CASQ2: variants seen among roughly 807,000 people sequenced by gnomAD.
CASQ2 encodes calsequestrin-2.
A neutral mutation model predicts 46.5 loss-of-function variants in CASQ2; 49 were observed. The ratio of observed to expected loss-of-function variants is 1.05; its 90% CI spans 0.84 to 1.34. The LOEUF (loss-of-function observed/expected upper bound fraction) is 1.34. CASQ2 is among the 40% of genes most tolerant of loss of function. The pLI, the probability that CASQ2 is intolerant of heterozygous loss-of-function variation, is 0.00. For missense variants in CASQ2, 486 were observed against 481.3 expected (o/e 1.01, Z -0.09); for synonymous variants, 174 against 168.5 (o/e 1.03, Z -0.25).
At chr1:115,734,680 A>G (rs1181434922) in intron 4 of CASQ2, among the ~76,000 whole-genome samples, 8 of 152,180 alleles carry the variant, frequency 5.3e-5, no homozygotes, top group Non-Finnish European at 1.0e-4. Context: ...GGCTTCTGGA[A>G]TAGGCTCCTG....
intron 8 of CASQ2, among the ~76,000 whole-genome samples, chr1:115,714,726 G>A (rs1212614150): frequency 6.6e-6 from 1 of 152,182 alleles, no homozygotes; most frequent in African/African-American, 2.4e-5. Context: ...TCAGAGTCAG[G>A]GACTTTCACA....
At position 115,714,076 on chromosome 1, in the gene CASQ2, C is replaced by T. The variant is rs970005647; in HGVS notation, c.838+3764G>A. On this transcript the variant is annotated intron_variant, in intron 8 of 10. Coordinates refer to ENST00000261448, the MANE Select transcript of CASQ2 (RefSeq NM_001232.4). ...GCTAACCTGACGACTTCATATAACT[C>T]TATGGCAGGGCCTTGTGGTTAAGGG... 3.3e-5 allele frequency among the ~76,000 whole-genome samples: 5 copies of T among 152,214 alleles called. No individual in the cohort carries two copies. In the East Asian group the frequency reaches 9.6e-4, roughly 29 times the overall value.
chr1:115,756,861 C>T (rs930089988), intron 1 of CASQ2, among the ~76,000 whole-genome samples: 2 of 152,124 alleles, frequency 1.3e-5, no homozygotes, highest in South Asian at 2.1e-4. Context: ...GCAGAAGAAT[C>T]GCTTGAACCC....
chr1:115,718,497 T>A (rs952034319), intron 7 of CASQ2, among the ~76,000 whole-genome samples: 6 of 152,170 alleles, frequency 3.9e-5, no homozygotes, highest in African/African-American at 1.4e-4. Context: ...GGGTTGTGCT[T>A]CCCTGTTAGG....
chr1:115,752,688 G>T (rs76767117), intron 1 of CASQ2, among the ~76,000 whole-genome samples: 1 of 152,238 alleles, frequency 6.6e-6, no homozygotes, highest in Admixed American at 6.5e-5. Context: ...AATCACATTA[G>T]AAAAAAAGTG....
At chr1:115,706,371 T>C (rs1050949805) in intron 8 of CASQ2, among the ~76,000 whole-genome samples, 1 of 152,140 alleles carries the variant, frequency 6.6e-6, no homozygotes, top group Non-Finnish European at 1.5e-5. Context: ...CCCCCTAGTA[T>C]AGGAGCACTA....
chr1:115,721,589 C>T (rs920910373), intron 7 of CASQ2, among the ~76,000 whole-genome samples: 35 of 151,928 alleles, frequency 2.3e-4, no homozygotes, highest in African/African-American at 5.8e-4. Context: ...CTTTTTCTTT[C>T]GAAACAGGGT....
rs369552015 is a variant in CASQ2, at chr1:115,717,858, C to T, written c.820G>A (p.Ala274Thr). The T allele has an allele frequency of 6.2e-7, 1 of 1,611,572 alleles. No individual in the cohort carries two copies. The highest frequency in any genetic ancestry group is 1.3e-5 in the African/African-American group (1 of 74,860). ...DLNGIHIVAF[A>T]EKSDPDGYEF... ...TTCCTACCTGGATCACTCTTCTCTG[C>T]AAAGGCCACAATGTGGATCCCATTC... is the stretch of plus-strand genomic sequence containing the variant. The change falls in exon 8 of 11, where the codon GCA (alanine) becomes ACA (threonine). Residue 274 changes from alanine to threonine, a missense_variant. By Grantham distance (58) the Ala-to-Thr change is moderately conservative (BLOSUM62 0). Coordinates refer to ENST00000261448, the MANE Select transcript of CASQ2 (RefSeq NM_001232.4).
At chr1:115,737,348 G>T (rs1453726170) in intron 4 of CASQ2, among the ~76,000 whole-genome samples, 1 of 152,120 alleles carries the variant, frequency 6.6e-6, no homozygotes, top group Admixed American at 6.5e-5. Flanking sequence ...TGGGAAGACT[G>T]GTTAAAGAAA....
Position 115,738,321 on chromosome 1 carries a change from T to C in CASQ2, c.435A>G (p.Pro145=), listed in dbSNP as rs1570831633. The C allele has an allele frequency of 1.9e-6, 3 of 1,608,884 alleles. No individual in the cohort carries two copies. Among genetic ancestry groups the C allele is most frequent in the Non-Finnish European group, 2.6e-6 (3 of 1,175,150 alleles). Residue 145 remains proline (P), a synonymous_variant, in exon 4 of 11, where the codon CCA becomes CCG. Transcript: ENST00000261448. The part of the protein sequence containing the change: ...VEFLLDLIED[P]VEIISSKLEV... ...CCAGTTTGCTGCTGATGATCTCCAC[T>C]GGGTCTTCAATTAGCTGAAATGCCA...
intron 8 of CASQ2, among the ~76,000 whole-genome samples, chr1:115,714,421 G>A (rs988511925): frequency 2.0e-5 from 3 of 152,152 alleles, no homozygotes; most frequent in Admixed American, 6.5e-5. Context: ...ACGTATTACA[G>A]AGTGGCTTTA....
chr1:115,736,683 AT>A (rs373635089), intron 4 of CASQ2, among the ~76,000 whole-genome samples: 3 of 152,070 alleles, frequency 2.0e-5, no homozygotes, highest in African/African-American at 4.8e-5. Context: ...CTCATTCAAA[AT>A]TTTTTTTAAA....
chr1:115,712,331 T>C (rs1654573944), intron 8 of CASQ2, among the ~76,000 whole-genome samples: 1 of 152,140 alleles, frequency 6.6e-6, no homozygotes, highest in African/African-American at 2.4e-5. Context: ...TCTCTGCCTG[T>C]CTTCTCCTGG....
Position 115,768,573 on chromosome 1 carries a change from A to G in CASQ2, c.-32T>C. ...AAACTTTTGTTTCTCGTTCCCAAATATGCTGTGTGCAGAATAGAGGACAGA... is the reference window on the plus strand; with the variant it reads ...AAACTTTTGTTTCTCGTTCCCAAATGTGCTGTGTGCAGAATAGAGGACAGA... On this transcript the variant is annotated 5_prime_UTR_variant, in exon 1 of 11. Coordinates refer to ENST00000261448, the MANE Select transcript of CASQ2 (RefSeq NM_001232.4). The G allele has an allele frequency of 7.0e-7, 1 of 1,419,236 alleles. No individual in the cohort carries two copies. Among genetic ancestry groups the G allele is most frequent in the Non-Finnish European group, 9.9e-7 (1 of 1,006,484 alleles). 87.9% of individuals were successfully genotyped at this position (1,419,236 alleles called of 1,614,324 possible). A position where few individuals can be genotyped will look rare whatever the true frequency, so the allele number is the denominator to read the frequency against.
intron 8 of CASQ2, among the ~76,000 whole-genome samples, chr1:115,707,761 G>A (rs915627007): frequency 6.6e-6 from 1 of 152,186 alleles, no homozygotes; most frequent in African/African-American, 2.4e-5. Flanking sequence ...AATCAATGAG[G>A]TGACACTGCC....
In CASQ2 at chr1:115,719,658, G is replaced by C. The variant is rs556496490; in HGVS notation, c.784-1764C>G. Among the ~76,000 whole-genome samples the C allele has an allele frequency of 2.6e-5, 4 of 152,292 alleles. No homozygotes were observed. The South Asian group carries it at 8.3e-4, about 32-fold the overall frequency. On this transcript the variant is annotated intron_variant, in intron 7 of 10. Transcript: ENST00000261448. Reference sequence around the variant, plus strand: ...CCACAAGGAAGCAGGCCAGCGCTAGGTGCCAGGCATTTTCAAGTAATAAAC... The same window carrying C: ...CCACAAGGAAGCAGGCCAGCGCTAGCTGCCAGGCATTTTCAAGTAATAAAC...
Position 115,701,161 on chromosome 1 carries a change from A to C in CASQ2, c.*80T>G. On this transcript the variant is annotated 3_prime_UTR_variant, in exon 11 of 11. Transcript: ENST00000261448. ...AGGAGCTGGCTGGGTGTGGGGCAGA[A>C]TTGCTTGCTGCCACCTTGTGCTGTC... 1.9e-6 allele frequency: 3 copies of C among 1,611,512 alleles called. No homozygotes were observed. The highest frequency in any genetic ancestry group is 2.5e-6 in the Non-Finnish European group (3 of 1,179,288).
chr1:115,702,577 C>T (rs918514272), intron 10 of CASQ2, among the ~76,000 whole-genome samples: 1 of 152,226 alleles, frequency 6.6e-6, no homozygotes, highest in African/African-American at 2.4e-5. Context: ...GCAGTGATGG[C>T]TCCTGGTGTG....
At chr1:115,717,571 C>T (rs1654744153) in intron 8 of CASQ2, among the ~76,000 whole-genome samples, 1 of 152,006 alleles carries the variant, frequency 6.6e-6, no homozygotes, top group Admixed American at 6.5e-5. Context: ...TGCTGCAAAT[C>T]CCACTGACTC....
Sources: gnomAD v4.1 joint callset for allele counts (sites outside exome capture counted in the v4.1 genomes callset) on GRCh38, gnomAD v4.1.1 for gene constraint, MANE v1.5 for transcripts, NCBI Gene and HGNC (gene_info 2026-07-23, HGNC 2026-07-21) for gene names.